RBM38: variants seen among roughly 807,000 people sequenced by gnomAD.
The protein encoded by RBM38 is RNA binding motif protein 38.
Under a neutral mutation model 23.5 loss-of-function variants are expected in RBM38, and 11 were observed. The ratio of observed to expected loss-of-function variants is 0.47; its 90% CI spans 0.29 to 0.77. The LOEUF (loss-of-function observed/expected upper bound fraction) is 0.77. RBM38 is among the 30% of genes least tolerant of loss of function. The pLI is 0.08. For synonymous variants in RBM38, 165 were observed against 166.1 expected (o/e 0.99, Z 0.05); for missense variants, 330 against 351.9 (o/e 0.94, Z 0.50).
chr20:57,394,721 A>T (rs550987076), intron 3 of RBM38, among the ~76,000 whole-genome samples: 2 of 151,946 alleles, frequency 1.3e-5, no homozygotes, highest in Admixed American at 1.3e-4. Flanking sequence ...GATTCTTCCT[A>T]TGGGGTTCAG....
intron 3 of RBM38, among the ~76,000 whole-genome samples, chr20:57,406,755 AGGCCGAGGTGGGC>A (rs2067388554): frequency 6.6e-6 from 1 of 152,116 alleles, no homozygotes; most frequent in Non-Finnish European, 1.5e-5. Flanking sequence ...GCACTTTGGG[AGGCCGAGGTGGGC>A]GGATCATGAG....
At chr20:57,402,981 C>G (rs1466980500) in intron 3 of RBM38, among the ~76,000 whole-genome samples, 1 of 152,240 alleles carries the variant, frequency 6.6e-6, no homozygotes, top group Non-Finnish European at 1.5e-5. Flanking sequence ...CTTGGCACTG[C>G]GGACCTTTAG....
At chr20:57,396,300 TCA>T (rs1374808681) in intron 3 of RBM38, among the ~76,000 whole-genome samples, 1 of 152,224 alleles carries the variant, frequency 6.6e-6, no homozygotes, top group Admixed American at 6.5e-5. Context: ...CACGTGGTAG[TCA>T]CAGCAGGAGC....
rs2067228742 is a variant in RBM38, at chr20:57,392,382, G to A, written c.238-272G>A. Reference sequence around the variant, plus strand: ...CAAGCTCCCTTCGGGGTTCATTTTTGCCCTATCCCCGCAGGGGATTATTTT... The same window carrying A: ...CAAGCTCCCTTCGGGGTTCATTTTTACCCTATCCCCGCAGGGGATTATTTT... On this transcript the variant is annotated intron_variant, in intron 1 of 3. Coordinates refer to ENST00000356208, the MANE Select transcript of RBM38 (RefSeq NM_017495.6). 2.0e-6 allele frequency: 3 copies of A among 1,495,586 alleles called. No individual in the cohort carries two copies. The South Asian group carries it at 3.6e-5, about 18-fold the overall frequency. The allele number at this position is 1,495,586 out of a possible 1,614,324, so 92.6% of individuals were successfully genotyped here.
chr20:57,404,269 A>G (rs565242953), intron 3 of RBM38, among the ~76,000 whole-genome samples: 22 of 152,264 alleles, frequency 1.4e-4, no homozygotes, highest in Non-Finnish European at 3.1e-4. Flanking sequence ...GCTGTGGATC[A>G]GGACCCCGGG....
chr20:57,406,710 A>C (rs2067388014), intron 3 of RBM38, among the ~76,000 whole-genome samples: 1 of 152,136 alleles, frequency 6.6e-6, no homozygotes, highest in African/African-American at 2.4e-5. Flanking sequence ...AAACCCTGTG[A>C]GGGCTGGGCA....
At chr20:57,394,000 A>C (rs1019626173) in intron 3 of RBM38, among the ~76,000 whole-genome samples, 1 of 151,886 alleles carries the variant, frequency 6.6e-6, no homozygotes, top group African/African-American at 2.4e-5. Flanking sequence ...GGACACACAC[A>C]CTTAAGGGAT....
At chr20:57,393,173 T>C (rs1264051179) in intron 2 of RBM38, 106 bp from the exon 3 acceptor site, 2 of 1,110,196 alleles carry the variant, frequency 1.8e-6, no homozygotes, top group Non-Finnish European at 2.8e-6. Flanking sequence ...GGATGATCCC[T>C]TTTGACTAGA....
At chr20:57,396,610 C>A (rs2146206570) in intron 3 of RBM38, among the ~76,000 whole-genome samples, 1 of 152,338 alleles carries the variant, frequency 6.6e-6, no homozygotes, top group Middle Eastern at 3.4e-3. Context: ...GTGGCCTTGA[C>A]TCCCGTTCAC....
intron 2 of RBM38, 174 bp from the exon 3 acceptor site, chr20:57,393,105 C>T (rs1002786529): frequency 5.8e-6 from 4 of 693,386 alleles, no homozygotes; most frequent in Non-Finnish European, 1.0e-5. Flanking sequence ...CTCACTGCCA[C>T]ACTTCAGCGG....
At position 57,407,206 on chromosome 20, in the gene RBM38, ACT is replaced by A. The variant is rs58353507; in HGVS notation, c.417-333_417-332del. Among the ~76,000 whole-genome samples the A allele has an allele frequency of 4.9e-3, 751 of 152,106 alleles. 3 individuals are homozygous for A. Among genetic ancestry groups the A allele is most frequent in the African/African-American group, 0.017 (704 of 41,470 alleles). ...GCATGCTCCGCCGTCGTGGCTTCAA[ACT>A]CTCAATCATTTGAAAACAACCATTC... On this transcript the variant is annotated intron_variant, in intron 3 of 3. Coordinates refer to ENST00000356208, the MANE Select transcript of RBM38 (RefSeq NM_017495.6). The surrounding 1 kb of genome is among the most constrained non-coding windows in gnomAD (Gnocchi z 4.0).
intron 2 of RBM38, chr20:57,393,050 G>A: frequency 1.6e-6 from 1 of 644,868 alleles, no homozygotes; most frequent in Admixed American, 2.8e-5. Context: ...CATGGGGCCT[G>A]GAGGTTGGGA....
At chr20:57,399,870 C>G (rs2067310187) in intron 3 of RBM38, 1 of 456,158 alleles carries the variant, frequency 2.2e-6, no homozygotes, top group African/African-American at 2.0e-5. Flanking sequence ...GGGGCAAGGC[C>G]CCTGGAGAGC....
chr20:57,400,814 G>C (rs2067319981), intron 3 of RBM38, among the ~76,000 whole-genome samples: 1 of 152,194 alleles, frequency 6.6e-6, no homozygotes, highest in Admixed American at 6.5e-5. Flanking sequence ...CAGACGCCCG[G>C]TTGTTCTGAG....
chr20:57,398,293 C>T (rs558962925), intron 3 of RBM38, among the ~76,000 whole-genome samples: 8 of 152,046 alleles, frequency 5.3e-5, no homozygotes, highest in African/African-American at 1.7e-4. Context: ...CACACGTGTG[C>T]GGGCGTGCTG....
Position 57,391,757 on chromosome 20 carries a change from A to T in RBM38, c.176A>T (p.Asp59Val), listed in dbSNP as rs1164852446. ...SLRKYFEGFG[D>V]IEEAVVITDR... ...AGGAAGTACTTCGAGGGCTTCGGCG[A>T]CATCGAGGAGGCCGTGGTCATCACC... The change falls in exon 1 of 4, where the codon GAC becomes GTC. Residue 59 changes from aspartate to valine, a missense_variant. By Grantham distance (152) the Asp-to-Val change is radical. This residue lies in a region of RBM38 where 95 missense variants were observed against 111.9 expected (regional missense o/e 0.85). Coordinates refer to ENST00000356208, the MANE Select transcript of RBM38 (RefSeq NM_017495.6). The T allele has an allele frequency of 6.4e-7, 1 of 1,573,460 alleles. No homozygotes were observed. The highest frequency in any genetic ancestry group is 8.6e-7 in the Non-Finnish European group (1 of 1,159,812).
intron 3 of RBM38, among the ~76,000 whole-genome samples, chr20:57,405,134 C>T (rs1054977633): frequency 2.0e-5 from 3 of 152,216 alleles, no homozygotes; most frequent in Non-Finnish European, 2.9e-5. Context: ...AGAAGCCACC[C>T]TGGCCTTTCC....
intron 3 of RBM38, among the ~76,000 whole-genome samples, chr20:57,401,214 G>GA (rs567136495): frequency 3.1e-4 from 47 of 152,346 alleles, no homozygotes; most frequent in African/African-American, 9.6e-4. Context: ...CGATGCTGCT[G>GA]AAGTCTCTGG....
At chr20:57,393,928 C>T (rs1318928138) in intron 3 of RBM38, among the ~76,000 whole-genome samples, 1 of 152,108 alleles carries the variant, frequency 6.6e-6, no homozygotes, top group Admixed American at 6.5e-5. Context: ...CATCCTAAAA[C>T]GCCTCCCACC....
Sources: allele counts gnomAD v4.1 joint callset (sites outside exome capture counted in the v4.1 genomes callset), GRCh38; gene constraint gnomAD v4.1.1; regional missense constraint gnomAD v4.1.1; non-coding constraint Gnocchi (gnomAD v3.1); transcripts MANE v1.5; gene names NCBI Gene and HGNC (gene_info 2026-07-23, HGNC 2026-07-21).